Variants in IMMP2L observed in about 807,000 individuals in gnomAD.
The protein encoded by IMMP2L is inner mitochondrial membrane peptidase subunit 2.
IMMP2L carries 18 observed loss-of-function variants against 19.3 expected under a neutral mutation model. That is an observed-to-expected ratio of 0.93 (90% CI 0.64 to 1.38). The LOEUF (loss-of-function observed/expected upper bound fraction) is 1.38. Among genes scored for constraint, IMMP2L ranks in the 40% most tolerant of loss-of-function variants. The pLI, the probability that IMMP2L is intolerant of heterozygous loss-of-function variation, is 0.00. For missense variants in IMMP2L, 233 were observed against 218.2 expected, an observed-to-expected ratio of 1.07 and a Z score of -0.43; for synonymous variants, 76 against 73.0, an observed-to-expected ratio of 1.04 and a Z score of -0.21.
chr7:110,669,075 GTGTGTGTGTGTGTGTA>G (rs1562903270), intron 5 of IMMP2L, among the ~76,000 whole-genome samples: 8 of 94,758 alleles, frequency 8.4e-5, no homozygotes, highest in East Asian at 7.8e-4. Flanking sequence ...GTGTGTGTGT[GTGTGTGTGTGTGTGTA>G]TATGTATATA....
chr7:110,964,917 C>A (rs6972608), intron 3 of IMMP2L, among the ~76,000 whole-genome samples: 74,429 of 151,806 alleles, frequency 0.49, 19,182 homozygotes, highest in Non-Finnish European at 0.58. Context: ...CTTCAAAGCA[C>A]GTACTTAGTC....
At chr7:111,383,817 C>A (rs999733797) in intron 3 of IMMP2L, among the ~76,000 whole-genome samples, 1 of 152,016 alleles carries the variant, frequency 6.6e-6, no homozygotes, top group African/African-American at 2.4e-5. Flanking sequence ...TGAAATCCCC[C>A]TCCTTCCACT....
chr7:110,966,039 A>G (rs1563118637), intron 3 of IMMP2L, among the ~76,000 whole-genome samples: 1 of 152,054 alleles, frequency 6.6e-6, no homozygotes, highest in Non-Finnish European at 1.5e-5. Flanking sequence ...ATTCAACAAG[A>G]GCAGACAGGT....
At chr7:110,698,820 T>A (rs142194503) in intron 5 of IMMP2L, among the ~76,000 whole-genome samples, 270 of 152,362 alleles carry the variant, frequency 1.8e-3, no homozygotes, top group African/African-American at 6.3e-3. Flanking sequence ...CTTTCAAAAG[T>A]TTTCATAAAT....
chr7:110,982,642 G>C (rs1370012968), intron 3 of IMMP2L, among the ~76,000 whole-genome samples: 1 of 152,040 alleles, frequency 6.6e-6, no homozygotes, highest in Non-Finnish European at 1.5e-5. Flanking sequence ...CACTGTGACT[G>C]TACAAGTATA....
At chr7:110,830,728 C>T (rs1451425081) in intron 5 of IMMP2L, among the ~76,000 whole-genome samples, 2 of 152,124 alleles carry the variant, frequency 1.3e-5, no homozygotes, top group Non-Finnish European at 2.9e-5. Flanking sequence ...GATACCTCCT[C>T]TCCTCTTTTT....
chr7:110,924,430 GGGGCCCCA>G lies in IMMP2L; in HGVS notation c.306-37743_306-37736del, dbSNP rs951214700. 6.6e-6 allele frequency among the ~76,000 whole-genome samples: 1 copy of G among 152,056 alleles called. No individual in the cohort carries two copies. Among genetic ancestry groups the G allele is most frequent in the African/African-American group, 2.4e-5 (1 of 41,378 alleles). ...GCAATGACATACCAGACTCATTAAA[GGGGCCCCA>G]TCCTTCTGGCCAGTCACAAGGTCCT... On this transcript the variant is annotated intron_variant, in intron 4 of 5. Coordinates refer to ENST00000405709, the MANE Select transcript of IMMP2L (RefSeq NM_032549.4). This position sits in a 1 kb window ranked among gnomAD's most constrained non-coding sequence, Gnocchi z 4.2.
chr7:110,965,473 CTT>C (rs201099637), intron 3 of IMMP2L, among the ~76,000 whole-genome samples: 1 of 151,950 alleles, frequency 6.6e-6, no homozygotes, highest in East Asian at 1.9e-4. Flanking sequence ...ACTAAGTTAA[CTT>C]TTTTATTTTA....
chr7:111,262,116 G>T (rs968877329), intron 3 of IMMP2L, among the ~76,000 whole-genome samples: 3 of 152,016 alleles, frequency 2.0e-5, no homozygotes, highest in Non-Finnish European at 4.4e-5. Context: ...CTATGGCTGG[G>T]TATCATTCAA....
chr7:110,905,888 A>G (rs1216209376), intron 4 of IMMP2L, among the ~76,000 whole-genome samples: 1 of 152,198 alleles, frequency 6.6e-6, no homozygotes, highest in Non-Finnish European at 1.5e-5. Flanking sequence ...TTATTTACCA[A>G]TCTTTTGAAA....
intron 5 of IMMP2L, among the ~76,000 whole-genome samples, chr7:110,823,067 A>G (rs56291336): frequency 0.04 from 6,083 of 152,220 alleles, 163 homozygotes; most frequent in Middle Eastern, 0.092. Context: ...TTTTATGAAC[A>G]TGACTGATGG....
At chr7:110,822,160 A>C (rs958648629) in intron 5 of IMMP2L, among the ~76,000 whole-genome samples, 10 of 152,100 alleles carry the variant, frequency 6.6e-5, no homozygotes, top group Admixed American at 5.2e-4. Context: ...TCTTCTGATC[A>C]ATGACATCAA....
At position 111,446,869 on chromosome 7, in the gene IMMP2L, G is replaced by C. The variant is rs543798683; in HGVS notation, c.239+40369C>G. Among the ~76,000 whole-genome samples, 157 of 151,344 alleles carry C rather than the reference G, an allele frequency of 1.0e-3. 1 individual carries two copies. Among genetic ancestry groups the C allele is most frequent in the Non-Finnish European group, 1.4e-3 (94 of 67,820 alleles). On this transcript the variant is annotated intron_variant, in intron 3 of 5. Transcript: ENST00000405709. ...ATACAGAGAAATGCTTAAAGGAGCT[G>C]ATGGAGCTGAAAACCAAGGCTCGAG...
chr7:111,536,311 T>G (rs1563325840), intron 1 of IMMP2L, among the ~76,000 whole-genome samples: 1 of 151,998 alleles, frequency 6.6e-6, no homozygotes, highest in African/African-American at 2.4e-5. Context: ...TTTTGTTGTT[T>G]TTTGGGGTTT....
intron 3 of IMMP2L, among the ~76,000 whole-genome samples, chr7:111,242,210 TGTGTTG>T (rs1815155137): frequency 6.6e-6 from 1 of 152,076 alleles, no homozygotes; most frequent in Non-Finnish European, 1.5e-5. Flanking sequence ...AGGACAGGTG[TGTGTTG>T]CTCAGTGATC....
intron 4 of IMMP2L, among the ~76,000 whole-genome samples, chr7:110,947,312 T>C (rs1297614759): frequency 6.6e-6 from 1 of 152,164 alleles, no homozygotes; most frequent in Non-Finnish European, 1.5e-5. Flanking sequence ...TAATAAAAAA[T>C]AGGCATTATT....
chr7:110,743,586 C>T (rs1236315733), intron 5 of IMMP2L, among the ~76,000 whole-genome samples: 2 of 152,152 alleles, frequency 1.3e-5, no homozygotes, highest in African/African-American at 2.4e-5. Flanking sequence ...AACTGAGGTA[C>T]CCCGTTCATC....
chr7:111,400,190 T>A (rs1244340570), intron 3 of IMMP2L, among the ~76,000 whole-genome samples: 1 of 152,126 alleles, frequency 6.6e-6, no homozygotes, highest in Non-Finnish European at 1.5e-5. Flanking sequence ...AGATATTTTA[T>A]CACTATCACC....
chr7:110,857,710 T>A (rs879746136), intron 5 of IMMP2L, among the ~76,000 whole-genome samples: 2 of 152,100 alleles, frequency 1.3e-5, no homozygotes, highest in Non-Finnish European at 2.9e-5. Context: ...CTGAGGCACT[T>A]GAGGCTCCTC....
Sources: allele counts gnomAD v4.1 joint callset (sites outside exome capture counted in the v4.1 genomes callset), GRCh38; gene constraint gnomAD v4.1.1; non-coding constraint Gnocchi (gnomAD v3.1); transcripts MANE v1.5; gene names NCBI Gene and HGNC (gene_info 2026-07-23, HGNC 2026-07-21).